The following CLEC5A variants were observed in gnomAD, a reference collection of about 807,000 sequenced individuals.
The protein encoded by CLEC5A is C-type lectin domain containing 5A.
CLEC5A carries 15 observed loss-of-function variants against 24.4 expected under a neutral mutation model. The ratio of observed to expected loss-of-function variants is 0.62; its 90% CI spans 0.41 to 0.95. CLEC5A has a LOEUF of 0.95. Ranked by LOEUF, CLEC5A falls within the 40% of genes least tolerant of loss-of-function variation. The pLI is 0.00. For missense variants in CLEC5A, 211 were observed against 224.0 expected, an observed-to-expected ratio of 0.94 and a Z score of 0.37; for synonymous variants, 71 against 72.6, an observed-to-expected ratio of 0.98 and a Z score of 0.11.
In CLEC5A at chr7:141,945,390, A is replaced by G; in HGVS notation, c.90T>C (p.Ile30=). The part of the protein sequence containing the change: ...MTLFLLYFPQ[I]FNKSNDGFTT... ...TGAAACCATCGTTACTTTTGTTAAAAATCTGTGGGACTGAAAAGAAAATCA... is the reference window on the plus strand; with the variant it reads ...TGAAACCATCGTTACTTTTGTTAAAGATCTGTGGGACTGAAAAGAAAATCA... Residue 30 remains isoleucine (I), a synonymous_variant, in exon 3 of 7, where the codon ATT becomes ATC. Coordinates refer to ENST00000546910, the MANE Select transcript of CLEC5A (RefSeq NM_013252.3). 1 of 1,612,772 alleles carries G rather than the reference A, an allele frequency of 6.2e-7. No homozygotes were observed. Among genetic ancestry groups the G allele is most frequent in the Admixed American group, 1.7e-5 (1 of 59,978 alleles).
At chr7:141,931,684 C>T (rs1376454621) in intron 6 of CLEC5A, 36 bp downstream of exon 6, 1 of 1,193,398 alleles carries the variant, frequency 8.4e-7, no homozygotes, top group Non-Finnish European at 1.3e-6. Flanking sequence ...TTGAAGCAAA[C>T]CAAGATCCCC....
Position 141,931,850 on chromosome 7 carries a change from C to T in CLEC5A, c.346-24G>A, listed in dbSNP as rs753505917. Reference sequence around the variant, plus strand: ...TTCTGGAAATAAAAAAAAAATTTTACCAGTGAGTCTTTTAATGATGCCTCT... The same window carrying T: ...TTCTGGAAATAAAAAAAAAATTTTATCAGTGAGTCTTTTAATGATGCCTCT... On this transcript the variant is annotated intron_variant, in intron 5 of 6. Transcript: ENST00000546910. 7 of 1,133,924 alleles carry T rather than the reference C, an allele frequency of 6.2e-6. No individual in the cohort carries two copies. In the South Asian group the frequency reaches 6.6e-5, roughly 11 times the overall value. The allele number at this position is 1,133,924 out of a possible 1,614,324, so 70.2% of individuals were successfully genotyped here. A position where few individuals can be genotyped will look rare whatever the true frequency, so the allele number is the denominator to read the frequency against.
chr7:141,945,029 G>A lies in CLEC5A; in HGVS notation c.139+312C>T, dbSNP rs1026621996. The stretch of plus-strand genomic sequence containing the variant: ...GCTTCAGAAGGAAGCTGGTTTAATC[G>A]GGAGAGGAGAACCATGCCCCACTCA... On this transcript the variant is annotated intron_variant, in intron 3 of 6. Coordinates refer to ENST00000546910, the MANE Select transcript of CLEC5A (RefSeq NM_013252.3). Among the ~76,000 whole-genome samples the A allele has an allele frequency of 1.4e-4, 21 of 152,142 alleles. 1 individual carries two copies. Among genetic ancestry groups the A allele is most frequent in the African/African-American group, 4.3e-4 (18 of 41,430 alleles).
At position 141,931,752 on chromosome 7, in the gene CLEC5A, C is replaced by A; in HGVS notation, c.420G>T (p.Trp140Cys). 1 of 1,600,272 alleles carries A rather than the reference C, an allele frequency of 6.2e-7. No homozygotes were observed. The highest frequency in any genetic ancestry group is 8.6e-7 in the Non-Finnish European group (1 of 1,167,504). The change falls in exon 6 of 7, where the codon TGG (tryptophan) becomes TGT (cysteine). Residue 140 changes from tryptophan (W) to cysteine (C), a missense_variant. Transcript: ENST00000546910. ...TGAACACAGAGTTGTTGATCCAACG[C>A]CACCTTTTCTCTTCACGATGGTAAA... is the stretch of plus-strand genomic sequence containing the variant. Reference protein sequence around the residue: ...GLIYHREEKRWRWINNSVFNG... With the variant: ...GLIYHREEKRCRWINNSVFNG...
rs893646791 is a variant in CLEC5A at position 141,939,272 on chromosome 7, G to A, written c.209-3322C>T. On this transcript the variant is annotated intron_variant, in intron 4 of 6. Coordinates refer to ENST00000546910, the MANE Select transcript of CLEC5A (RefSeq NM_013252.3). The stretch of plus-strand genomic sequence containing the variant: ...TAGAAACAATAAAAAGTTAAAAAGT[G>A]GGAGACAAAGTTAAAATGTAGAGTT... 1.6e-4 allele frequency among the ~76,000 whole-genome samples: 25 copies of A among 152,184 alleles called. No homozygotes were observed. In the East Asian group the frequency reaches 4.8e-3, roughly 29 times the overall value.
chr7:141,934,446 G>A (rs1034648561), intron 5 of CLEC5A, among the ~76,000 whole-genome samples: 1 of 151,918 alleles, frequency 6.6e-6, no homozygotes, highest in Non-Finnish European at 1.5e-5. Flanking sequence ...AGAGTGGGGG[G>A]GTCAAATATA....
intron 4 of CLEC5A, among the ~76,000 whole-genome samples, chr7:141,941,774 A>AAAT (rs1802801862): frequency 6.6e-6 from 1 of 152,158 alleles, no homozygotes; most frequent in Non-Finnish European, 1.5e-5. Flanking sequence ...TAGCATTTCT[A>AAAT]TATGCCAACA....
chr7:141,933,696 G>A (rs782734772), intron 5 of CLEC5A, among the ~76,000 whole-genome samples: 1 of 150,848 alleles, frequency 6.6e-6, no homozygotes, highest in East Asian at 1.9e-4. Context: ...TTGACCTGCC[G>A]ATGCTGTGCA....
At chr7:141,942,378 A>C (rs782226077) in intron 4 of CLEC5A, among the ~76,000 whole-genome samples, 2 of 152,168 alleles carry the variant, frequency 1.3e-5, no homozygotes, top group African/African-American at 2.4e-5. Context: ...ATTCATATGC[A>C]TAAGAATGAA....
rs1348212612 is a variant in CLEC5A at position 141,935,282 on chromosome 7, GC to G, written c.345+531del. ...GACCTTGGGCAAATTACTTTTCTGT[GC>G]CCTAGTTGCCATTTATAAAATGTGG... On this transcript the variant is annotated intron_variant, in intron 5 of 6. Coordinates refer to ENST00000546910, the MANE Select transcript of CLEC5A (RefSeq NM_013252.3). Among the ~76,000 whole-genome samples the G allele has an allele frequency of 3.2e-4, 49 of 152,182 alleles. 1 individual carries two copies. The highest frequency in any genetic ancestry group is 1.2e-3 in the African/African-American group (49 of 41,516).
intron 4 of CLEC5A, among the ~76,000 whole-genome samples, chr7:141,937,153 A>T (rs532192571): frequency 3.2e-4 from 48 of 151,694 alleles, no homozygotes; most frequent in Non-Finnish European, 6.6e-4. Flanking sequence ...AAGAAGAGAG[A>T]AAAGTAAAGG....
In CLEC5A at chr7:141,939,699, A is replaced by T. The variant is rs529081291; in HGVS notation, c.209-3749T>A. On this transcript the variant is annotated intron_variant, in intron 4 of 6. Transcript: ENST00000546910. ...CTATTTCCCACAAGAAACACACTCC[A>T]CCTATAAAGACACATGCAGACTAAA... Among the ~76,000 whole-genome samples, 4 of 152,252 alleles carry T rather than the reference A, an allele frequency of 2.6e-5. No individual in the cohort carries two copies. In the South Asian group the frequency reaches 8.3e-4, roughly 32 times the overall value.
At chr7:141,944,794 C>T (rs1040934839) in intron 3 of CLEC5A, among the ~76,000 whole-genome samples, 1 of 152,120 alleles carries the variant, frequency 6.6e-6, no homozygotes, top group Non-Finnish European at 1.5e-5. Flanking sequence ...TTTATAGACT[C>T]TAAGATGTAA....
intron 5 of CLEC5A, among the ~76,000 whole-genome samples, chr7:141,935,041 C>G (rs1802578540): frequency 6.6e-6 from 1 of 152,040 alleles, no homozygotes; most frequent in Non-Finnish European, 1.5e-5. Flanking sequence ...GTACTTAGCC[C>G]TAGAGGGTTT....
intron 6 of CLEC5A, 77 bp downstream of exon 6, chr7:141,931,642 AG>A (rs1554440361): frequency 1.2e-6 from 1 of 813,648 alleles, no homozygotes; most frequent in East Asian, 2.4e-5. Flanking sequence ...GAGCTATTCC[AG>A]GGTGAACCCA....
intron 5 of CLEC5A, among the ~76,000 whole-genome samples, chr7:141,933,212 C>T (rs535507435): frequency 1.3e-5 from 2 of 152,102 alleles, no homozygotes; most frequent in Non-Finnish European, 1.5e-5. Flanking sequence ...AAGGAGGAAG[C>T]GATCATTCTA....
At chr7:141,935,711 T>C in intron 5 of CLEC5A, 103 bp downstream of exon 5, 1 of 1,030,724 alleles carries the variant, frequency 9.7e-7, no homozygotes, top group Non-Finnish European at 1.4e-6. Flanking sequence ...ACCTCTCCAT[T>C]CCTCACTCCA....
At chr7:141,937,568 C>A (rs1802667283) in intron 4 of CLEC5A, among the ~76,000 whole-genome samples, 1 of 152,210 alleles carries the variant, frequency 6.6e-6, no homozygotes, top group Non-Finnish European at 1.5e-5. Context: ...TCTAAGATAG[C>A]ATCTCCAGAC....
At chr7:141,942,161 C>G (rs1224263906) in intron 4 of CLEC5A, among the ~76,000 whole-genome samples, 1 of 152,138 alleles carries the variant, frequency 6.6e-6, no homozygotes, top group East Asian at 1.9e-4. Flanking sequence ...GGAGGAATCA[C>G]ATTACCTGAT....
Sources: gnomAD v4.1 joint callset for allele counts (sites outside exome capture counted in the v4.1 genomes callset) on GRCh38, gnomAD v4.1.1 for gene constraint, MANE v1.5 for transcripts, NCBI Gene and HGNC (gene_info 2026-07-23, HGNC 2026-07-21) for gene names.